Variants in KCNJ6 observed in about 807,000 individuals in gnomAD.
KCNJ6 encodes the protein potassium inwardly rectifying channel subfamily J member 6, also known as G protein-activated inward rectifier potassium channel 2.
KCNJ6 carries 9 observed loss-of-function variants against 34.2 expected under a neutral mutation model. The ratio of observed to expected loss-of-function variants is 0.26; its 90% CI spans 0.16 to 0.46. The LOEUF (loss-of-function observed/expected upper bound fraction) is 0.46. Among genes scored for constraint, KCNJ6 ranks in the 20% least tolerant of loss-of-function variants. The pLI is 1.00. For missense variants in KCNJ6, 236 were observed against 531.3 expected, an observed-to-expected ratio of 0.44 and a Z score of 5.46; for synonymous variants, 196 against 207.1, an observed-to-expected ratio of 0.95 and a Z score of 0.46.
intron 3 of KCNJ6, among the ~76,000 whole-genome samples, chr21:37,643,322 C>G (rs2054389435): frequency 6.6e-6 from 1 of 152,094 alleles, no homozygotes. Context: ...TTCATGAAAC[C>G]AGGAGCTCAG....
chr21:37,816,691 G>C (rs1367578985), intron 2 of KCNJ6, among the ~76,000 whole-genome samples: 7 of 152,178 alleles, frequency 4.6e-5, no homozygotes, highest in African/African-American at 1.7e-4. Flanking sequence ...TCTTGGCAGA[G>C]AAGGAACATA....
In KCNJ6 at chr21:37,649,319, GCCT is replaced by G. The variant is rs547001734; in HGVS notation, c.947-23838_947-23836del. On this transcript the variant is annotated intron_variant, in intron 3 of 3. Transcript: ENST00000609713. ...ATTTCTAGGAGAAGGAGGTGGTGCT[GCCT>G]CTTTCCTCTGAGGCCACCTCCAGTT... Among the ~76,000 whole-genome samples, 418 of 152,226 alleles carry G rather than the reference GCCT, an allele frequency of 2.7e-3. 3 individuals are homozygous for G. Among genetic ancestry groups the G allele is most frequent in the Non-Finnish European group, 4.7e-3 (319 of 67,998 alleles).
intron 3 of KCNJ6, among the ~76,000 whole-genome samples, chr21:37,639,349 T>C (rs1471681547): frequency 6.6e-6 from 1 of 152,206 alleles, no homozygotes; most frequent in Admixed American, 6.5e-5. Flanking sequence ...GAGGTAAAAC[T>C]AAAAATTGCT....
chr21:37,873,366 G>T (rs910836402), intron 1 of KCNJ6, among the ~76,000 whole-genome samples: 1 of 152,166 alleles, frequency 6.6e-6, no homozygotes, highest in Non-Finnish European at 1.5e-5. Context: ...AGTTTACAGA[G>T]GAGAAAACTG....
intron 2 of KCNJ6, among the ~76,000 whole-genome samples, chr21:37,739,231 C>T (rs1253844413): frequency 6.6e-6 from 1 of 152,096 alleles, no homozygotes; most frequent in East Asian, 1.9e-4. Context: ...TTTAATTTCA[C>T]CTATTTCTTT....
chr21:37,704,269 TGTTCCCCTG>T (rs879278211), intron 3 of KCNJ6, among the ~76,000 whole-genome samples: 19,433 of 151,736 alleles, frequency 0.13, 1,510 homozygotes, highest in East Asian at 0.37. Flanking sequence ...GCAGCATATT[TGTTCCCCTG>T]AGGTTGTACA....
chr21:37,730,782 G>C (rs986413571), intron 2 of KCNJ6, among the ~76,000 whole-genome samples: 1 of 152,206 alleles, frequency 6.6e-6, no homozygotes, highest in Non-Finnish European at 1.5e-5. Flanking sequence ...AGAGACAGAG[G>C]CCAACGGTGG....
chr21:37,839,918 G>A (rs1163596874), intron 2 of KCNJ6, among the ~76,000 whole-genome samples: 4 of 151,978 alleles, frequency 2.6e-5, no homozygotes, highest in East Asian at 1.9e-4. Context: ...CTCAGCTTCC[G>A]AATAGCCATA....
chr21:37,700,734 G>A (rs529697895), intron 3 of KCNJ6, among the ~76,000 whole-genome samples: 2 of 152,224 alleles, frequency 1.3e-5, no homozygotes, highest in Admixed American at 1.3e-4. Flanking sequence ...AGCCAGGGCC[G>A]CCTCATATGG....
chr21:37,767,891 G>C (rs2055099145), intron 2 of KCNJ6, among the ~76,000 whole-genome samples: 1 of 152,074 alleles, frequency 6.6e-6, no homozygotes, highest in Non-Finnish European at 1.5e-5. Context: ...AGCTTTAACT[G>C]TTGTTTGTAT....
chr21:37,786,366 T>C (rs1377114147), intron 2 of KCNJ6, among the ~76,000 whole-genome samples: 1 of 152,220 alleles, frequency 6.6e-6, no homozygotes, highest in African/African-American at 2.4e-5. Context: ...CTTCTTCCTG[T>C]TGGGGCATCC....
chr21:37,798,842 A>G (rs1460655730), intron 2 of KCNJ6, among the ~76,000 whole-genome samples: 1 of 152,176 alleles, frequency 6.6e-6, no homozygotes, highest in East Asian at 1.9e-4. Flanking sequence ...ATAGTTACAC[A>G]TATCTTTGAA....
rs952929780 is a variant in KCNJ6, at chr21:37,896,461, G to A, written c.-28+19423C>T. On this transcript the variant is annotated intron_variant, in intron 1 of 3. Coordinates refer to ENST00000609713, the MANE Select transcript of KCNJ6 (RefSeq NM_002240.5). ...GAGATGACCAGGCTGATGTGGGGCT[G>A]ACTGCTTCTCACCTGCCTGGCATGG... is the stretch of plus-strand genomic sequence containing the variant. Among the ~76,000 whole-genome samples the A allele has an allele frequency of 5.1e-4, 77 of 152,212 alleles. 1 individual carries two copies. Among genetic ancestry groups the A allele is most frequent in the Admixed American group, 5.0e-3 (77 of 15,288 alleles).
chr21:37,662,524 G>T (rs1180235416), intron 3 of KCNJ6, among the ~76,000 whole-genome samples: 3 of 152,132 alleles, frequency 2.0e-5, no homozygotes, highest in Non-Finnish European at 4.4e-5. Context: ...TGGGCATTTG[G>T]GTTGATTCTA....
intron 3 of KCNJ6, among the ~76,000 whole-genome samples, chr21:37,664,123 A>C (rs1372214601): frequency 6.6e-6 from 1 of 152,230 alleles, no homozygotes; most frequent in Non-Finnish European, 1.5e-5. Context: ...TTTATCAGTT[A>C]ATAATCCAAC....
At chr21:37,721,354 A>G (rs899591737) in intron 2 of KCNJ6, among the ~76,000 whole-genome samples, 2 of 152,234 alleles carry the variant, frequency 1.3e-5, no homozygotes, top group Admixed American at 1.3e-4. Context: ...GCTGCTATGA[A>G]AAACAGTATC....
At chr21:37,808,899 T>C (rs527823610) in intron 2 of KCNJ6, among the ~76,000 whole-genome samples, 4 of 152,280 alleles carry the variant, frequency 2.6e-5, no homozygotes, top group South Asian at 4.2e-4. Context: ...TGTGGAGAAA[T>C]AGAAACACTT....
intron 3 of KCNJ6, among the ~76,000 whole-genome samples, chr21:37,661,770 C>T (rs1216337365): frequency 6.8e-6 from 1 of 147,818 alleles, no homozygotes; most frequent in Non-Finnish European, 1.5e-5. Flanking sequence ...CTACAGGCGC[C>T]GGCCACCATG....
At chr21:37,677,360 A>G (rs1246791010) in intron 3 of KCNJ6, among the ~76,000 whole-genome samples, 1 of 152,162 alleles carries the variant, frequency 6.6e-6, no homozygotes, top group African/African-American at 2.4e-5. Flanking sequence ...AACTTGGCCA[A>G]AAGAATTTAT....
Sources: gnomAD v4.1 joint callset for allele counts (sites outside exome capture counted in the v4.1 genomes callset) on GRCh38, gnomAD v4.1.1 for gene constraint, MANE v1.5 for transcripts, NCBI Gene and HGNC (gene_info 2026-07-23, HGNC 2026-07-21) for gene names.